The following ACTA2 variants were observed in gnomAD, a reference collection of about 807,000 sequenced individuals.
The protein encoded by ACTA2 is actin, aortic smooth muscle.
Under a neutral mutation model 39.5 loss-of-function variants are expected in ACTA2, and 12 were observed. The observed-to-expected ratio is 0.30, with a 90% CI of 0.19 to 0.49. The LOEUF (loss-of-function observed/expected upper bound fraction) is 0.49, where lower values mean the gene tolerates loss of function less well. Among genes scored for constraint, ACTA2 ranks in the 20% least tolerant of loss-of-function variants. ACTA2 has a pLI of 0.99. For missense variants in ACTA2, 236 were observed against 498.8 expected, an observed-to-expected ratio of 0.47 and a Z score of 5.02; for synonymous variants, 158 against 180.6, an observed-to-expected ratio of 0.88 and a Z score of 1.00.
chr10:88,935,592 C>G, intron 8 of ACTA2: 1 of 487,718 alleles, frequency 2.1e-6, no homozygotes, highest in Non-Finnish European at 3.8e-6. Flanking sequence ...ATTCGTTTTT[C>G]TCACCTGTAA....
intron 7 of ACTA2, 73 bp downstream of exon 7, chr10:88,939,434 T>C (rs1239455825): frequency 2.5e-6 from 4 of 1,590,254 alleles, no homozygotes; most frequent in Non-Finnish European, 3.4e-6. Flanking sequence ...CTTGTCTCCA[T>C]GTTCTGGAGG....
At chr10:88,978,671 C>T (rs1463180126) in intron 1 of ACTA2, among the ~76,000 whole-genome samples, 1 of 152,124 alleles carries the variant, frequency 6.6e-6, no homozygotes, top group Non-Finnish European at 1.5e-5. Flanking sequence ...TTCATTTGCA[C>T]CACGGCTCCA....
rs1485827667 is a variant in ACTA2, at chr10:88,947,104, TC to T, written c.258+153del. ...TTTTATGGCTACAAGGATTTTTTTT[TC>T]AATGGGTAATAACCCAGAATGAACA... On this transcript the variant is annotated intron_variant, in intron 3 of 8. Coordinates refer to ENST00000224784, the MANE Select transcript of ACTA2 (RefSeq NM_001613.4). 9.9e-6 allele frequency: 11 copies of T among 1,115,304 alleles called. No homozygotes were observed. The East Asian group carries it at 2.7e-4, about 27-fold the overall frequency. The allele number at this position is 1,115,304 out of a possible 1,614,324, so 69.1% of individuals were successfully genotyped here. A position where few individuals can be genotyped will look rare whatever the true frequency, so the allele number is the denominator to read the frequency against.
At chr10:88,950,600 G>A (rs537398234) in intron 1 of ACTA2, among the ~76,000 whole-genome samples, 1 of 152,358 alleles carries the variant, frequency 6.6e-6, no homozygotes, top group African/African-American at 2.4e-5. Flanking sequence ...CAAGGCTTAA[G>A]GAGTTGAAGT....
intron 1 of ACTA2, among the ~76,000 whole-genome samples, chr10:88,986,309 T>A (rs948370561): frequency 2.6e-5 from 4 of 152,160 alleles, no homozygotes; most frequent in African/African-American, 9.7e-5. Context: ...ATATCTGTGT[T>A]TTCAGGGGAC....
intron 1 of ACTA2, chr10:88,989,438 T>C (rs1299252333): frequency 1.9e-6 from 1 of 537,282 alleles, no homozygotes; most frequent in Non-Finnish European, 3.7e-6. Flanking sequence ...TATACCATCC[T>C]CCTTATCCCA....
chr10:88,967,606 C>G (rs1436191561), intron 1 of ACTA2, among the ~76,000 whole-genome samples: 1 of 152,202 alleles, frequency 6.6e-6, no homozygotes, highest in African/African-American at 2.4e-5. Context: ...CCTTCAAACA[C>G]TAACCAAATC....
At chr10:88,955,263 T>C (rs182765502), upstream of ACTA2, among the ~76,000 whole-genome samples, 41 of 152,358 alleles carry the variant, frequency 2.7e-4, no homozygotes, top group South Asian at 8.3e-4. Context: ...ATGTAACTAC[T>C]GGCAAATAGC....
chr10:88,984,710 C>A (rs1846823599), intron 1 of ACTA2, among the ~76,000 whole-genome samples: 1 of 151,578 alleles, frequency 6.6e-6, no homozygotes, highest in Non-Finnish European at 1.5e-5. Flanking sequence ...CTGGGCCTGT[C>A]TAAATGGCCA....
intron 1 of ACTA2, among the ~76,000 whole-genome samples, chr10:88,981,939 C>G (rs1444033654): frequency 6.6e-6 from 1 of 152,144 alleles, no homozygotes; most frequent in Non-Finnish European, 1.5e-5. Flanking sequence ...TGAACTTGAT[C>G]GAGTTACCTC....
In ACTA2 at chr10:88,982,151, A is replaced by C. The variant is rs78020557; in HGVS notation, c.-24+8788T>G. Among the ~76,000 whole-genome samples the C allele has an allele frequency of 3.9e-5, 6 of 152,358 alleles. No homozygotes were observed. In the East Asian group the frequency reaches 1.2e-3, roughly 29 times the overall value. On this transcript the variant is annotated intron_variant, in intron 1 of 4. Coordinates refer to the ACTA2 transcript ENST00000415557. ...TCTACAGCTTACTGGTTGGGTGACT[A>C]CTGCAAGATCCTCAAGTGCTTGGGC...
chr10:88,939,434 T>A lies in ACTA2; in HGVS notation c.808+73A>T, dbSNP rs1239455825. ...TTGGGGCAACCGTCACTTGTCTCCA[T>A]GTTCTGGAGGCTGGCTTGATATGGA... On this transcript the variant is annotated intron_variant, in intron 7 of 8. Transcript: ENST00000224784. 12 of 1,590,136 alleles carry A rather than the reference T, an allele frequency of 7.5e-6. 1 individual carries two copies. In the Admixed American group the frequency reaches 1.7e-4, roughly 22 times the overall value.
chr10:88,974,176 A>G (rs569469932), intron 1 of ACTA2: 28 of 151,990 alleles, frequency 1.8e-4, no homozygotes, highest in Non-Finnish European at 4.0e-4. Context: ...CTAGAACTAA[A>G]CCAGACATTG....
chr10:88,951,504 A>G (rs926261323), intron 1 of ACTA2, among the ~76,000 whole-genome samples: 14 of 152,124 alleles, frequency 9.2e-5, no homozygotes, highest in South Asian at 4.1e-4. Context: ...TTGGCCAAAA[A>G]AAAAAGAAAA....
chr10:88,943,666 AG>A, intron 4 of ACTA2, 130 bp downstream of exon 4: 2 of 764,260 alleles, frequency 2.6e-6, no homozygotes, highest in Admixed American at 2.0e-5. Context: ...GGGATCCCTG[AG>A]TTCACTGAAG....
chr10:88,990,642 C>T lies in ACTA2; in HGVS notation c.-24+297G>A, dbSNP rs1021894100. The T allele has an allele frequency of 8.6e-6, 6 of 695,214 alleles. No homozygotes were observed. The African/African-American group carries it at 1.1e-4, about 12-fold the overall frequency. 43.1% of individuals were successfully genotyped at this position (695,214 alleles called of 1,614,324 possible). On this transcript the variant is annotated intron_variant, in intron 1 of 4. Transcript: ENST00000415557. This position sits in a 1 kb window ranked among gnomAD's most constrained non-coding sequence, Gnocchi z 4.9. ...TGACCACCGGGGCTTTTCGTGAGCT[C>T]GTCTCTGATCTCGCGCAAGAGTGAC...
intron 1 of ACTA2, among the ~76,000 whole-genome samples, chr10:88,950,957 T>A (rs1379355701): frequency 6.6e-6 from 1 of 152,226 alleles, no homozygotes; most frequent in African/African-American, 2.4e-5. Flanking sequence ...TCCAGAACTC[T>A]TTGTTTCTAA....
At chr10:88,963,256 G>C (rs1449439171) in intron 1 of ACTA2, among the ~76,000 whole-genome samples, 1 of 151,758 alleles carries the variant, frequency 6.6e-6, no homozygotes, top group Non-Finnish European at 1.5e-5. Context: ...GAGCAGCATA[G>C]GTTTGGAGCA....
intron 1 of ACTA2, among the ~76,000 whole-genome samples, chr10:88,952,308 C>T (rs1846064605): frequency 1.3e-5 from 2 of 152,268 alleles, no homozygotes; most frequent in South Asian, 2.1e-4. Flanking sequence ...CTAAGCTGCA[C>T]CAAAAATACA....
Sources: gnomAD v4.1 joint callset for allele counts (sites outside exome capture counted in the v4.1 genomes callset) on GRCh38, gnomAD v4.1.1 for gene constraint, Gnocchi (gnomAD v3.1) non-coding constraint, MANE v1.5 for transcripts, NCBI Gene and HGNC (gene_info 2026-07-23, HGNC 2026-07-21) for gene names.